The following MACROD2 variants were observed in gnomAD, a reference collection of about 807,000 sequenced individuals.
MACROD2 encodes ADP-ribose glycohydrolase MACROD2.
Under a neutral mutation model 70.4 loss-of-function variants are expected in MACROD2, and 36 were observed. The ratio of observed to expected loss-of-function variants is 0.51; its 90% CI spans 0.39 to 0.68. MACROD2 has a LOEUF of 0.68. Ranked by LOEUF, MACROD2 falls within the 30% of genes least tolerant of loss-of-function variation. The pLI, the probability that MACROD2 is intolerant of heterozygous loss-of-function variation, is 0.00. For missense variants in MACROD2, 496 were observed against 538.4 expected (o/e 0.92, Z 0.78); for synonymous variants, 172 against 178.8 (o/e 0.96, Z 0.30).
intron 10 of MACROD2, among the ~76,000 whole-genome samples, chr20:15,927,562 A>G (rs1338579194): frequency 6.6e-6 from 1 of 152,116 alleles, no homozygotes; most frequent in Non-Finnish European, 1.5e-5. Flanking sequence ...TATGACGTTC[A>G]TGGTTATGTG....
chr20:14,049,477 A>T (rs1331746381), intron 2 of MACROD2, among the ~76,000 whole-genome samples: 1 of 151,970 alleles, frequency 6.6e-6, no homozygotes, highest in East Asian at 1.9e-4. Context: ...GAGGTGGCTC[A>T]CGCTTATAAT....
intron 2 of MACROD2, among the ~76,000 whole-genome samples, chr20:14,084,803 C>T (rs1601203012): frequency 9.1e-6 from 1 of 109,308 alleles, no homozygotes; most frequent in South Asian, 3.0e-4. Context: ...ATTTCCTATC[C>T]GGAGTAATAG....
Position 15,289,916 on chromosome 20 carries a change from A to G in MACROD2, c.540+59855A>G, listed in dbSNP as rs115399209. Among the ~76,000 whole-genome samples, 974 of 152,288 alleles carry G rather than the reference A, an allele frequency of 6.4e-3. 10 individuals are homozygous for G. Among genetic ancestry groups the G allele is most frequent in the African/African-American group, 0.022 (902 of 41,554 alleles). On this transcript the variant is annotated intron_variant, in intron 6 of 17. Transcript: ENST00000684519. ...TGTGAAAGCAATTTCACAAAGAGTA[A>G]CACATTTGATGTCAAATAGCTATGG...
chr20:14,185,534 T>C (rs2148734307), intron 3 of MACROD2, among the ~76,000 whole-genome samples: 1 of 152,278 alleles, frequency 6.6e-6, no homozygotes, highest in Non-Finnish European at 1.5e-5. Context: ...TGCTGGATGC[T>C]GAGGATGGAA....
At chr20:15,603,019 G>A (rs2048843918) in intron 8 of MACROD2, among the ~76,000 whole-genome samples, 1 of 151,978 alleles carries the variant, frequency 6.6e-6, no homozygotes, top group African/African-American at 2.4e-5. Flanking sequence ...GTGTGAGTGA[G>A]GGCATGTGAG....
At chr20:15,669,507 C>T (rs950037216) in intron 8 of MACROD2, among the ~76,000 whole-genome samples, 3 of 152,126 alleles carry the variant, frequency 2.0e-5, no homozygotes, top group African/African-American at 4.8e-5. Context: ...CCACATCACT[C>T]CCCCCAACTC....
intron 8 of MACROD2, among the ~76,000 whole-genome samples, chr20:15,858,322 C>T (rs2064381327): frequency 6.6e-6 from 1 of 152,072 alleles, no homozygotes. Flanking sequence ...GCCTCAATAG[C>T]GAGGCATTCT....
chr20:15,001,545 G>C, intron 5 of MACROD2, among the ~76,000 whole-genome samples: 1 of 151,844 alleles, frequency 6.6e-6, no homozygotes, highest in East Asian at 1.9e-4. Flanking sequence ...TTATTATTTT[G>C]TCATTGGTTT....
chr20:14,198,986 A>G (rs2081456759), intron 3 of MACROD2, among the ~76,000 whole-genome samples: 1 of 151,416 alleles, frequency 6.6e-6, no homozygotes, highest in Non-Finnish European at 1.5e-5. Flanking sequence ...TTTTTTCTAT[A>G]TGTCTTTCTT....
At chr20:14,912,203 C>A (rs2074036331) in intron 5 of MACROD2, among the ~76,000 whole-genome samples, 1 of 152,158 alleles carries the variant, frequency 6.6e-6, no homozygotes, top group South Asian at 2.1e-4. Flanking sequence ...CAGCTTTCTG[C>A]CGTTATCTCT....
intron 4 of MACROD2, among the ~76,000 whole-genome samples, chr20:14,536,100 G>A (rs1679735511): frequency 6.6e-6 from 1 of 152,122 alleles, no homozygotes; most frequent in Non-Finnish European, 1.5e-5. Context: ...ATTTGTCATT[G>A]GGAGAAATTA....
intron 8 of MACROD2, among the ~76,000 whole-genome samples, chr20:15,736,487 T>C (rs1411472405): frequency 2.0e-5 from 3 of 152,064 alleles, no homozygotes; most frequent in East Asian, 3.9e-4. Context: ...GGATAAAAAG[T>C]GTGAGCAGCA....
chr20:15,265,436 C>T (rs530404172), intron 6 of MACROD2, among the ~76,000 whole-genome samples: 1 of 152,270 alleles, frequency 6.6e-6, no homozygotes, highest in Admixed American at 6.5e-5. Context: ...ACATGTTTAC[C>T]CATGCTACTC....
chr20:14,177,785 G>A (rs1297412613), intron 3 of MACROD2, among the ~76,000 whole-genome samples: 1 of 152,066 alleles, frequency 6.6e-6, no homozygotes, highest in Non-Finnish European at 1.5e-5. Flanking sequence ...TTAGTAAATG[G>A]TTCTGGAAGA....
At chr20:15,897,492 TTCTAA>T (rs1262318471) in intron 10 of MACROD2, among the ~76,000 whole-genome samples, 1 of 152,172 alleles carries the variant, frequency 6.6e-6, no homozygotes, top group African/African-American at 2.4e-5. Context: ...CAAATATAAC[TTCTAA>T]TCTATTACTT....
At chr20:16,008,302 T>C (rs2066817191) in intron 15 of MACROD2, among the ~76,000 whole-genome samples, 1 of 152,244 alleles carries the variant, frequency 6.6e-6, no homozygotes, top group South Asian at 2.1e-4. Flanking sequence ...TTTCATCATT[T>C]GACTATGTAC....
At chr20:14,493,801 G>A (rs379159) in intron 4 of MACROD2, 88,716 of 207,782 alleles carry the variant, frequency 0.43, 20,515 homozygotes, top group African/African-American at 0.63. Flanking sequence ...ACATGTGTGT[G>A]CATAGTTACA....
intron 3 of MACROD2, among the ~76,000 whole-genome samples, chr20:14,142,583 T>G (rs185171975): frequency 6.6e-6 from 1 of 152,206 alleles, no homozygotes; most frequent in African/African-American, 2.4e-5. Flanking sequence ...ACCACACTTA[T>G]TATTTTGCTA....
chr20:15,708,025 A>C (rs1331770837), intron 8 of MACROD2, among the ~76,000 whole-genome samples: 2 of 151,952 alleles, frequency 1.3e-5, no homozygotes, highest in African/African-American at 4.8e-5. Flanking sequence ...CAAGCAGAAG[A>C]AGCAGAAAAT....
Sources: allele counts gnomAD v4.1 joint callset (sites outside exome capture counted in the v4.1 genomes callset), GRCh38; gene constraint gnomAD v4.1.1; transcripts MANE v1.5; gene names NCBI Gene and HGNC (gene_info 2026-07-23, HGNC 2026-07-21).